Variants in SPTBN2 observed in about 807,000 individuals in gnomAD.
SPTBN2 encodes the protein spectrin beta, non-erythrocytic 2, also known as spectrin beta chain, non-erythrocytic 2.
In SPTBN2, 107 loss-of-function variants were observed where a neutral mutation model predicts 284.2. The ratio of observed to expected loss-of-function variants is 0.38; its 90% confidence interval spans 0.32 to 0.44. SPTBN2 has a LOEUF of 0.44. SPTBN2 is among the 20% of genes least tolerant of loss of function. The pLI is 1.00. For synonymous variants in SPTBN2, 1,289 were observed against 1,354.8 expected, an observed-to-expected ratio of 0.95 and a Z score of 1.07; for missense variants, 2,569 against 3,287.1, an observed-to-expected ratio of 0.78 and a Z score of 5.34.
chr11:66,701,654 C>T lies in SPTBN2; in HGVS notation c.2746G>A (p.Glu916Lys), dbSNP rs140996610. ...AQITAVNDIA[E>K]QLLKANPPGK... ...GGGGGGTTGGCCTTCAGTAACTGCT[C>T]GGCAATGTCATTCACCGCGGTGATT... Residue 916 changes from glutamate to lysine, a missense_variant, in exon 16 of 38, where the codon GAG (glutamate) becomes AAG (lysine). By Grantham distance (56) the Glu-to-Lys change is moderately conservative. This residue lies in a region of SPTBN2 where 1,012 missense variants were observed against 1,248.9 expected (regional missense o/e 0.81). Coordinates refer to ENST00000533211, the MANE Select transcript of SPTBN2 (RefSeq NM_006946.4). The T allele has an allele frequency of 1.4e-5, 22 of 1,613,900 alleles. No individual in the cohort carries two copies. The highest frequency in any genetic ancestry group is 6.7e-5 in the Admixed American group (4 of 59,992).
Position 66,718,990 on chromosome 11 carries a change from T to G in SPTBN2, c.157+2094A>C, listed in dbSNP as rs1277071092. ...CATCAGGCCCCAAGTTACCTAACAA[T>G]GCACAGGACCCACGAGAGGGGCCCC... On this transcript the variant is annotated intron_variant, in intron 3 of 37. Transcript: ENST00000533211. The surrounding 1 kb of genome is among the most constrained non-coding windows in gnomAD (Gnocchi z 4.8). Among the ~76,000 whole-genome samples, 1 of 152,184 alleles carries G rather than the reference T, an allele frequency of 6.6e-6. No individual in the cohort carries two copies. The highest frequency in any genetic ancestry group is 2.4e-5 in the African/African-American group (1 of 41,454).
exon 1 of SPTBN2, chr11:66,744,606 G>T (rs1300523686): frequency 4.2e-6 from 1 of 239,062 alleles, no homozygotes; most frequent in African/African-American, 2.3e-5. Flanking sequence ...CGGGCCCACT[G>T]GCACCCGCGG....
In SPTBN2 at chr11:66,683,477, TTG is replaced by T. The variant is rs1278675191; in HGVS notation, c.*2392_*2393del. On this transcript the variant is annotated 3_prime_UTR_variant, in exon 38 of 38. Coordinates refer to ENST00000533211, the MANE Select transcript of SPTBN2 (RefSeq NM_006946.4). ...GCCCTCACCGCCCCATTCCATCCTG[TTG>T]TCTTTCCTGGAATTTTTTCTTTCTT... is the stretch of plus-strand genomic sequence containing the variant. Among the ~76,000 whole-genome samples the T allele has an allele frequency of 6.6e-6, 1 of 152,218 alleles. No homozygotes were observed. The highest frequency in any genetic ancestry group is 1.5e-5 in the Non-Finnish European group (1 of 68,032).
chr11:66,708,862 G>A lies in SPTBN2; in HGVS notation c.1191+40C>T. The A allele has an allele frequency of 6.4e-7, 1 of 1,564,296 alleles. No individual in the cohort carries two copies. The highest frequency in any genetic ancestry group is 1.7e-5 in the Admixed American group (1 of 59,938). ...ATGTGTGCAAGGCATCTGGGCCAGGGCCTGCCCTGAGGGTGGGTGGCCTGT... is the reference window on the plus strand; with the variant it reads ...ATGTGTGCAAGGCATCTGGGCCAGGACCTGCCCTGAGGGTGGGTGGCCTGT... On this transcript the variant is annotated intron_variant, in intron 11 of 37. Coordinates refer to ENST00000533211, the MANE Select transcript of SPTBN2 (RefSeq NM_006946.4). The surrounding 1 kb of genome is among the most constrained non-coding windows in gnomAD (Gnocchi z 4.4).
intron 8 of SPTBN2, among the ~76,000 whole-genome samples, 172 bp downstream of exon 8, chr11:66,713,458 GT>G (rs1941983573): frequency 6.6e-6 from 1 of 151,934 alleles, no homozygotes; most frequent in Admixed American, 6.6e-5. Flanking sequence ...TATTTACAAG[GT>G]TGTGTAACCA....
At chr11:66,744,245 A>T (rs1313477140) in intron 1 of SPTBN2, among the ~76,000 whole-genome samples, 1 of 152,226 alleles carries the variant, frequency 6.6e-6, no homozygotes, top group African/African-American at 2.4e-5. Flanking sequence ...TTATAAAAAA[A>T]ATTCGCTGTC....
Position 66,708,070 on chromosome 11 carries a change from G to T in SPTBN2, c.1350+71C>A. The T allele has an allele frequency of 6.2e-7, 1 of 1,603,304 alleles. No individual in the cohort carries two copies. Among genetic ancestry groups the T allele is most frequent in the Non-Finnish European group, 8.5e-7 (1 of 1,171,912 alleles). On this transcript the variant is annotated intron_variant, in intron 12 of 37. Coordinates refer to ENST00000533211, the MANE Select transcript of SPTBN2 (RefSeq NM_006946.4). This position sits in a 1 kb window ranked among gnomAD's most constrained non-coding sequence, Gnocchi z 4.4. ...TGTTTCATTGTCTCTCCACCCCGCG[G>T]GGCTTCTTATCCACCCTGTCTCTCT...
Position 66,721,142 on chromosome 11 carries a change from C to T in SPTBN2, c.99G>A (p.Trp33Ter). ...NNRWDLPDSD[W>*]DNDSSSARLF... ...GGCGGGCCGAGCTGCTGTCATTGTCCCAGTCCGAGTCAGGAAGGTCCCAGC... is the reference window on the plus strand; with the variant it reads ...GGCGGGCCGAGCTGCTGTCATTGTCTCAGTCCGAGTCAGGAAGGTCCCAGC... Residue 33 changes from tryptophan (W) to a stop codon, truncating the protein, a stop_gained, in exon 3 of 38, where the codon TGG (tryptophan) becomes TGA (stop). Transcript: ENST00000533211. LOFTEE classifies it high-confidence loss of function. 6.2e-7 allele frequency: 1 copy of T among 1,614,146 alleles called. No individual in the cohort carries two copies. Among genetic ancestry groups the T allele is most frequent in the Non-Finnish European group, 8.5e-7 (1 of 1,180,044 alleles).
chr11:66,743,214 G>C (rs959627915), intron 1 of SPTBN2, among the ~76,000 whole-genome samples: 1 of 152,128 alleles, frequency 6.6e-6, no homozygotes, highest in South Asian at 2.1e-4. Context: ...TGATGGTTAC[G>C]ATGGATTTTC....
At chr11:66,733,899 A>G (rs1204756177), upstream of SPTBN2, among the ~76,000 whole-genome samples, 1 of 149,526 alleles carries the variant, frequency 6.7e-6, no homozygotes, top group Non-Finnish European at 1.5e-5. Flanking sequence ...AATGGCGTGA[A>G]CCCGGGAAGC....
rs1206910379 is a variant in SPTBN2 at position 66,688,681 on chromosome 11, C to T, written c.6203G>A (p.Arg2068Gln). ...AGTAAGCTTCTCCAGCGCACAGAAT[C>T]GCTCCTCCCAGGCCACTGCTGACTT... ...FQKSAVAWEE[R>Q]FCALEKLTAL... is the part of the protein sequence containing the mutation. The change falls in exon 31 of 38, where the codon CGA (arginine) becomes CAA (glutamine). Residue 2068 changes from arginine to glutamine, a missense_variant. Arg to Gln is a conservative substitution (Grantham distance 43). Around this residue, in one of 6 missense-constraint regions of SPTBN2, gnomAD observed 1,130 missense variants for 1,317.3 expected, o/e 0.86. Transcript: ENST00000533211. 1.2e-6 allele frequency: 2 copies of T among 1,613,886 alleles called. No homozygotes were observed. Among genetic ancestry groups the T allele is most frequent in the Non-Finnish European group, 1.7e-6 (2 of 1,180,036 alleles).
chr11:66,719,692 A>G (rs1354659262), intron 3 of SPTBN2, among the ~76,000 whole-genome samples: 1 of 152,114 alleles, frequency 6.6e-6, no homozygotes, highest in Non-Finnish European at 1.5e-5. Context: ...TGTCCTATGT[A>G]CACAGGCATG....
At chr11:66,689,260 ACAGG>A in intron 29 of SPTBN2, 80 bp from the exon 30 acceptor site, 1 of 1,407,244 alleles carries the variant, frequency 7.1e-7, no homozygotes, top group Non-Finnish European at 9.8e-7. Context: ...ATCCAGGGGG[ACAGG>A]TGATTTCTTT....
rs1441209305 is a variant in SPTBN2 at position 66,718,485 on chromosome 11, G to A, written c.158-2504C>T. Among the ~76,000 whole-genome samples, 1 of 152,200 alleles carries A rather than the reference G, an allele frequency of 6.6e-6. No individual in the cohort carries two copies. The highest frequency in any genetic ancestry group is 1.9e-4 in the East Asian group (1 of 5,186). ...CGTCCTTCCAGCACGCTGGCATACT[G>A]AGCAGGGTTGATGAAAGCAGCTGGT... On this transcript the variant is annotated intron_variant, in intron 3 of 37. Coordinates refer to ENST00000533211, the MANE Select transcript of SPTBN2 (RefSeq NM_006946.4). This position sits in a 1 kb window ranked among gnomAD's most constrained non-coding sequence, Gnocchi z 4.8.
rs1307134025 is a variant in SPTBN2, at chr11:66,705,814, C to T, written c.1677G>A (p.Leu559=). ...EMKGRLQSQD[L]GRHLAGVEDL... is the part of the protein sequence containing the mutation. ...CCTCCACTCCTGCTAGGTGCCTGCC[C>T]AGGTCCTGAGACTGCAGCCGGCCCT... Residue 559 remains leucine, a synonymous_variant, in exon 14 of 38, where the codon CTG becomes CTA. Coordinates refer to ENST00000533211, the MANE Select transcript of SPTBN2 (RefSeq NM_006946.4). 6.2e-7 allele frequency: 1 copy of T among 1,612,474 alleles called. No homozygotes were observed. The highest frequency in any genetic ancestry group is 1.7e-5 in the Admixed American group (1 of 59,942).
Position 66,708,831 on chromosome 11 carries a change from T to C in SPTBN2, c.1191+71A>G. On this transcript the variant is annotated intron_variant, in intron 11 of 37. Coordinates refer to ENST00000533211, the MANE Select transcript of SPTBN2 (RefSeq NM_006946.4). This position sits in a 1 kb window ranked among gnomAD's most constrained non-coding sequence, Gnocchi z 4.4. ...GGTGAAGGTCGACATGGCCCCGGGTTTGGGGATGTGTGCAAGGCATCTGGG... is the reference window on the plus strand; with the variant it reads ...GGTGAAGGTCGACATGGCCCCGGGTCTGGGGATGTGTGCAAGGCATCTGGG... 1 of 1,261,038 alleles carries C rather than the reference T, an allele frequency of 7.9e-7. No individual in the cohort carries two copies. Among genetic ancestry groups the C allele is most frequent in the Non-Finnish European group, 1.2e-6 (1 of 865,430 alleles). The allele number at this position is 1,261,038 out of a possible 1,614,324, so 78.1% of individuals were successfully genotyped here.
In SPTBN2 at chr11:66,687,403, G is replaced by A. The variant is rs376994348; in HGVS notation, c.6722+24C>T. ...GAGGCTCTGGGGAAGTGCCCTCTGA[G>A]AGCAGGCTCCAGAGAGGCTGTACCT... On this transcript the variant is annotated intron_variant, in intron 35 of 37. Transcript: ENST00000533211. The surrounding 1 kb of genome is among the most constrained non-coding windows in gnomAD (Gnocchi z 5.2). 135 of 1,602,118 alleles carry A rather than the reference G, an allele frequency of 8.4e-5. No homozygotes were observed. In the Admixed American group the frequency reaches 2.1e-3, roughly 25 times the overall value.
At position 66,691,068 on chromosome 11, in the gene SPTBN2, C is replaced by T. The variant is rs1414522937; in HGVS notation, c.5565+216G>A. Among the ~76,000 whole-genome samples, 17 of 152,300 alleles carry T rather than the reference C, an allele frequency of 1.1e-4. No homozygotes were observed. The highest frequency in any genetic ancestry group is 3.8e-4 in the African/African-American group (16 of 41,568). On this transcript the variant is annotated intron_variant, in intron 27 of 37. Coordinates refer to ENST00000533211, the MANE Select transcript of SPTBN2 (RefSeq NM_006946.4). This position sits in a 1 kb window ranked among gnomAD's most constrained non-coding sequence, Gnocchi z 8.0. Reference sequence around the variant, plus strand: ...CCAATCTCAGATGATCCGCCCTCCTCGGCCTCCCAAAGTGCTGGGATTACA... The same window carrying T: ...CCAATCTCAGATGATCCGCCCTCCTTGGCCTCCCAAAGTGCTGGGATTACA...
In SPTBN2 at chr11:66,700,496, C is replaced by T; in HGVS notation, c.3573+30G>A. 6.2e-7 allele frequency: 1 copy of T among 1,600,400 alleles called. No individual in the cohort carries two copies. Among genetic ancestry groups the T allele is most frequent in the Middle Eastern group, 1.8e-4 (1 of 5,650 alleles). ...CCCGGGTCCCTACTTTGCTCTTCCT[C>T]CTGCTTGGGACTTTGCCCTGGACTT... On this transcript the variant is annotated intron_variant, in intron 17 of 37. Coordinates refer to ENST00000533211, the MANE Select transcript of SPTBN2 (RefSeq NM_006946.4). The surrounding 1 kb of genome is among the most constrained non-coding windows in gnomAD (Gnocchi z 6.6).
Sources: allele counts gnomAD v4.1 joint callset (sites outside exome capture counted in the v4.1 genomes callset), GRCh38; gene constraint gnomAD v4.1.1; regional missense constraint gnomAD v4.1.1; non-coding constraint Gnocchi (gnomAD v3.1); transcripts MANE v1.5; gene names NCBI Gene and HGNC (gene_info 2026-07-23, HGNC 2026-07-21).